The following MAN1A2 variants were observed in gnomAD, a reference collection of about 807,000 sequenced individuals.
MAN1A2 encodes the protein mannosyl-oligosaccharide 1,2-alpha-mannosidase IB.
In MAN1A2, 26 loss-of-function variants were observed where a neutral mutation model predicts 75.7. The observed-to-expected ratio is 0.34, with a 90% CI of 0.25 to 0.48. The LOEUF (loss-of-function observed/expected upper bound fraction) is 0.48, where lower values mean the gene tolerates loss of function less well. Among genes scored for constraint, MAN1A2 ranks in the 20% least tolerant of loss-of-function variants. The pLI is 0.99. For missense variants in MAN1A2, 562 were observed against 775.5 expected, an observed-to-expected ratio of 0.72 and a Z score of 3.27; for synonymous variants, 247 against 264.6, an observed-to-expected ratio of 0.93 and a Z score of 0.65.
At chr1:117,428,846 A>C in intron 5 of MAN1A2, among the ~76,000 whole-genome samples, 1 of 106,314 alleles carries the variant, frequency 9.4e-6, no homozygotes, top group Non-Finnish European at 1.8e-5. Context: ...GGTGTTTCTC[A>C]CAGAGGGGGA....
chr1:117,399,019 T>C (rs894991221), intron 1 of MAN1A2, among the ~76,000 whole-genome samples: 2 of 152,128 alleles, frequency 1.3e-5, no homozygotes, highest in African/African-American at 4.8e-5. Context: ...TTATTGTGGT[T>C]CCATCGCATG....
rs1570690825 is a variant in MAN1A2, at chr1:117,374,233, G to GA, written c.302+5748_302+5749insA. ...GATCACTTGAGCCCAGGAGTTCGAG[G>GA]GTGTAGTTAGCTATGATTGTGTCCG... On this transcript the variant is annotated intron_variant, in intron 1 of 12. Coordinates refer to ENST00000356554, the MANE Select transcript of MAN1A2 (RefSeq NM_006699.5). Among the ~76,000 whole-genome samples the GA allele has an allele frequency of 2.6e-5, 4 of 152,172 alleles. No individual in the cohort carries two copies. In the East Asian group the frequency reaches 7.8e-4, roughly 29 times the overall value.
At chr1:117,504,568 C>T (rs959357072) in intron 12 of MAN1A2, among the ~76,000 whole-genome samples, 1 of 151,158 alleles carries the variant, frequency 6.6e-6, no homozygotes, top group Non-Finnish European at 1.5e-5. Flanking sequence ...ACTTGCGAAC[C>T]TTAATATTCA....
At chr1:117,479,823 T>C (rs1256529109) in intron 8 of MAN1A2, among the ~76,000 whole-genome samples, 1 of 151,892 alleles carries the variant, frequency 6.6e-6, no homozygotes, top group Non-Finnish European at 1.5e-5. Flanking sequence ...CTAGATTCTA[T>C]GTGCTGGATA....
Position 117,458,523 on chromosome 1 carries a change from A to ATAT in MAN1A2, c.951-1965_951-1964insATT, listed in dbSNP as rs1553236643. ...TATATATATATATAGATATATATAT[A>ATAT]TTTTTTTTTTTTTTTTTGAGACAGA... is the stretch of plus-strand genomic sequence containing the variant. On this transcript the variant is annotated intron_variant, in intron 6 of 12. Transcript: ENST00000356554. 2.2e-3 allele frequency among the ~76,000 whole-genome samples: 231 copies of ATAT among 105,610 alleles called. 3 individuals are homozygous for ATAT. The highest frequency in any genetic ancestry group is 5.2e-3 in the Middle Eastern group (1 of 194). The allele number at this position is 105,610 out of a possible 152,430, so 69.3% of individuals were successfully genotyped here. A position where few individuals can be genotyped will look rare whatever the true frequency, so the allele number is the denominator to read the frequency against.
intron 8 of MAN1A2, among the ~76,000 whole-genome samples, chr1:117,472,750 A>C (rs1432436685): frequency 3.3e-5 from 5 of 152,006 alleles, no homozygotes; most frequent in Admixed American, 2.6e-4. Context: ...TGCCCAACCC[A>C]GGGCACTGGA....
At chr1:117,419,274 A>AGAGGGAAAGGAG (rs1379527485) in intron 4 of MAN1A2, among the ~76,000 whole-genome samples, 2 of 152,076 alleles carry the variant, frequency 1.3e-5, no homozygotes, top group Non-Finnish European at 2.9e-5. Context: ...TGTGCTGAAT[A>AGAGGGAAAGGAG]GAGGGTAAGG....
rs1304888062 is a variant in MAN1A2, at chr1:117,402,459, G to A, written c.558+18G>A. 2 of 1,569,150 alleles carry A rather than the reference G, an allele frequency of 1.3e-6. No individual in the cohort carries two copies. The highest frequency in any genetic ancestry group is 1.2e-5 in the South Asian group (1 of 81,746). ...TTAAAGAGGTAATAAGCTGAGTTTTGTGATATGGAGTGTTTATGGATTTGT... is the reference window on the plus strand; with the variant it reads ...TTAAAGAGGTAATAAGCTGAGTTTTATGATATGGAGTGTTTATGGATTTGT... On this transcript the variant is annotated intron_variant, in intron 2 of 12. Transcript: ENST00000356554.
At chr1:117,384,895 A>T (rs1653472173) in intron 1 of MAN1A2, among the ~76,000 whole-genome samples, 1 of 152,210 alleles carries the variant, frequency 6.6e-6, no homozygotes, top group Non-Finnish European at 1.5e-5. Context: ...GAACCAGCTG[A>T]CAAAAGAAAG....
chr1:117,412,559 AT>A (rs948053309), intron 3 of MAN1A2, among the ~76,000 whole-genome samples: 1 of 150,938 alleles, frequency 6.6e-6, no homozygotes, highest in African/African-American at 2.4e-5. Context: ...ATATTCAGTT[AT>A]TTTCATTTGT....
intron 8 of MAN1A2, among the ~76,000 whole-genome samples, chr1:117,476,857 A>G (rs900378256): frequency 2.0e-5 from 3 of 152,070 alleles, no homozygotes; most frequent in African/African-American, 7.2e-5. Context: ...TTTTGGTTCC[A>G]TATGAAATTT....
intron 10 of MAN1A2, among the ~76,000 whole-genome samples, 153 bp from the exon 11 acceptor site, chr1:117,499,229 A>G (rs757921755): frequency 6.6e-6 from 1 of 152,012 alleles, no homozygotes; most frequent in Non-Finnish European, 1.5e-5. Context: ...TGGATCTTTT[A>G]AAATGACTCA....
At chr1:117,399,230 C>T (rs968213871) in intron 1 of MAN1A2, among the ~76,000 whole-genome samples, 1 of 152,156 alleles carries the variant, frequency 6.6e-6, no homozygotes, top group Non-Finnish European at 1.5e-5. Flanking sequence ...TGTGTAATAC[C>T]TGTTCGTGGA....
Position 117,499,365 on chromosome 1 carries a change from C to A in MAN1A2, c.1505-17C>A. 6.6e-7 allele frequency: 1 copy of A among 1,524,696 alleles called. No individual in the cohort carries two copies. Among genetic ancestry groups the A allele is most frequent in the Non-Finnish European group, 8.8e-7 (1 of 1,136,570 alleles). The allele number at this position is 1,524,696 out of a possible 1,614,324, so 94.4% of individuals were successfully genotyped here. ...AATGGTTTATTTTGCTCAGTTATTTCTTTTGTCATGTTACAGCATTAAAGC... is the reference window on the plus strand; with the variant it reads ...AATGGTTTATTTTGCTCAGTTATTTATTTTGTCATGTTACAGCATTAAAGC... On this transcript the variant is annotated splice_polypyrimidine_tract_variant and intron_variant, in intron 10 of 12. Coordinates refer to ENST00000356554, the MANE Select transcript of MAN1A2 (RefSeq NM_006699.5).
At chr1:117,491,310 A>G (rs987257778) in intron 8 of MAN1A2, among the ~76,000 whole-genome samples, 1 of 152,030 alleles carries the variant, frequency 6.6e-6, no homozygotes, top group Non-Finnish European at 1.5e-5. Context: ...GTCAGTGCTC[A>G]TTTACCATTC....
chr1:117,445,840 T>TTGTG (rs1257064936), intron 6 of MAN1A2, among the ~76,000 whole-genome samples: 8 of 79,934 alleles, frequency 1.0e-4, no homozygotes, highest in Admixed American at 2.5e-4. Context: ...ATTTTCATAT[T>TTGTG]TGTGTGTGTG....
At chr1:117,381,169 G>A (rs1352335932) in intron 1 of MAN1A2, among the ~76,000 whole-genome samples, 2 of 151,868 alleles carry the variant, frequency 1.3e-5, no homozygotes, top group African/African-American at 4.8e-5. Context: ...TTAAATTTCT[G>A]GTGTGTAGAA....
At chr1:117,477,192 C>T (rs1650340996) in intron 8 of MAN1A2, among the ~76,000 whole-genome samples, 1 of 151,922 alleles carries the variant, frequency 6.6e-6, no homozygotes, top group Non-Finnish European at 1.5e-5. Flanking sequence ...CAGCCAAATT[C>T]TACCAGAGGT....
chr1:117,467,535 T>TA (rs1480866771), intron 8 of MAN1A2, among the ~76,000 whole-genome samples: 4 of 152,128 alleles, frequency 2.6e-5, no homozygotes, highest in Non-Finnish European at 5.9e-5. Flanking sequence ...TTTTTATACT[T>TA]ACTTTTCCTG....
Sources: gnomAD v4.1 joint callset for allele counts (sites outside exome capture counted in the v4.1 genomes callset) on GRCh38, gnomAD v4.1.1 for gene constraint, MANE v1.5 for transcripts, NCBI Gene and HGNC (gene_info 2026-07-23, HGNC 2026-07-21) for gene names.